The following SERPINA5 variants were observed in gnomAD, a reference collection of about 807,000 sequenced individuals.
SERPINA5 encodes the protein serpin family A member 5.
Under a neutral mutation model 25.3 loss-of-function variants are expected in SERPINA5, and 25 were observed. That is an observed-to-expected ratio of 0.99 (90% confidence interval 0.72 to 1.38). SERPINA5 has a LOEUF of 1.38. Ranked by LOEUF, SERPINA5 falls within the 40% of genes most tolerant of loss-of-function variation. SERPINA5 has a pLI of 0.00. For synonymous variants in SERPINA5, 234 were observed against 206.2 expected (o/e 1.14, Z -1.16); for missense variants, 599 against 509.5 (o/e 1.18, Z -1.69).
chr14:94,582,909 A>T (rs774945641), intron 2 of SERPINA5, among the ~76,000 whole-genome samples: 149 of 152,256 alleles, frequency 9.8e-4, no homozygotes, highest in Non-Finnish European at 1.6e-3. Context: ...AAGAAGTGAC[A>T]TTTAAGCAAA....
chr14:94,590,013 T>C (rs1423795235), intron 3 of SERPINA5, 28 bp from the exon 4 acceptor site: 2 of 1,553,700 alleles, frequency 1.3e-6, no homozygotes, highest in East Asian at 4.5e-5. Context: ...CAAAATTCTT[T>C]TTCATTTTTC....
At chr14:94,589,243 T>G (rs1047348949) in intron 3 of SERPINA5, among the ~76,000 whole-genome samples, 1 of 152,072 alleles carries the variant, frequency 6.6e-6, no homozygotes, top group Non-Finnish European at 1.5e-5. Flanking sequence ...GGTCAGGAGT[T>G]CGAGATCAGC....
At position 94,587,664 on chromosome 14, in the gene SERPINA5, A is replaced by G; in HGVS notation, c.302A>G (p.Lys101Arg). Residue 101 changes from lysine to arginine, a missense_variant, in exon 3 of 6, where the codon AAA (lysine) becomes AGA (arginine). Transcript: ENST00000329597. ...GAGGGCCTGGGCCTCAACCTCCAGA[A>G]AAGCTCAGAGAAGGAGCTGCACAGA... ...ILEGLGLNLQ[K>R]SSEKELHRGF... 1 of 1,614,074 alleles carries G rather than the reference A, an allele frequency of 6.2e-7. No homozygotes were observed. Among genetic ancestry groups the G allele is most frequent in the Non-Finnish European group, 8.5e-7 (1 of 1,179,978 alleles).
At chr14:94,591,324 T>C (rs1163536607) in intron 5 of SERPINA5, among the ~76,000 whole-genome samples, 2 of 134,582 alleles carry the variant, frequency 1.5e-5, no homozygotes, top group East Asian at 2.3e-4. Flanking sequence ...ACTCTTCCAT[T>C]CCACTCCATT....
At chr14:94,587,270 G>C in intron 2 of SERPINA5, 76 bp from the exon 3 acceptor site, 1 of 1,307,218 alleles carries the variant, frequency 7.6e-7, no homozygotes. Flanking sequence ...ATTGAGTGTT[G>C]GGTGGGGACA....
intron 2 of SERPINA5, among the ~76,000 whole-genome samples, chr14:94,582,974 C>CA (rs985272102): frequency 6.6e-6 from 1 of 152,030 alleles, no homozygotes; most frequent in African/African-American, 2.4e-5. Flanking sequence ...GGGAGGGTTC[C>CA]AGTAGAGAGG....
intron 2 of SERPINA5, among the ~76,000 whole-genome samples, chr14:94,583,736 G>T (rs1226599536): frequency 6.6e-6 from 1 of 152,180 alleles, no homozygotes; most frequent in Non-Finnish European, 1.5e-5. Flanking sequence ...ACCTTGGCCT[G>T]AGATGACAGG....
intron 1 of SERPINA5, 28 bp downstream of exon 1, chr14:94,581,518 C>G (rs1273793670): frequency 6.6e-6 from 1 of 152,296 alleles, no homozygotes; most frequent in Non-Finnish European, 1.5e-5. Context: ...AAAGGGAGGT[C>G]CCCAGGGCTT....
rs748412046 is a variant in SERPINA5, at chr14:94,587,941, C to G, written c.579C>G (p.Ser193Arg). The change falls in exon 3 of 6, where the codon AGC (serine) becomes AGG (arginine). Residue 193 changes from serine (S) to arginine (R), a missense_variant. Physicochemically the swap from Ser to Arg is moderately radical, Grantham distance 110 (BLOSUM62 -1). Coordinates refer to ENST00000329597, the MANE Select transcript of SERPINA5 (RefSeq NM_000624.6). ...TGGACTTGCTTAAGAACCTCGATAG[C>G]AATGCGGTCGTGATCATGGTGAATT... Reference protein sequence around the residue: ...KIVDLLKNLDSNAVVIMVNYI... With the variant: ...KIVDLLKNLDRNAVVIMVNYI... 1.2e-6 allele frequency: 2 copies of G among 1,614,228 alleles called. No homozygotes were observed. The highest frequency in any genetic ancestry group is 2.2e-5 in the South Asian group (2 of 91,086).
At chr14:94,589,941 C>CTGAGA (rs1885221225) in intron 3 of SERPINA5, 100 bp from the exon 4 acceptor site, 1 of 1,214,874 alleles carries the variant, frequency 8.2e-7, no homozygotes, top group Admixed American at 2.7e-5. Flanking sequence ...AGATGGTCTC[C>CTGAGA]GCTGGCTATC....
chr14:94,589,806 C>T (rs1167053931), intron 3 of SERPINA5, among the ~76,000 whole-genome samples: 1 of 152,128 alleles, frequency 6.6e-6, no homozygotes, highest in Non-Finnish European at 1.5e-5. Flanking sequence ...TGAAAACCAA[C>T]CTCCTTGTTT....
chr14:94,584,741 C>A (rs1453495918), intron 2 of SERPINA5, among the ~76,000 whole-genome samples: 2 of 152,206 alleles, frequency 1.3e-5, no homozygotes, highest in African/African-American at 4.8e-5. Context: ...AACTCCCCTG[C>A]TTCTGAAGCT....
rs1339504056 is a variant in SERPINA5, at chr14:94,592,197, G to A, written c.1179G>A (p.Val393=). ...ACAGGCCCTTTCTGATGTTCATTGTGGATAACAACATCCTCTTCCTTGGCA... is the reference window on the plus strand; with the variant it reads ...ACAGGCCCTTTCTGATGTTCATTGTAGATAACAACATCCTCTTCCTTGGCA... ...VFNRPFLMFI[V]DNNILFLGKV... is the part of the protein sequence containing the mutation. Residue 393 remains valine, a synonymous_variant, in exon 6 of 6, where the codon GTG becomes GTA. Transcript: ENST00000329597. 1.2e-6 allele frequency: 2 copies of A among 1,613,992 alleles called. No individual in the cohort carries two copies. The highest frequency in any genetic ancestry group is 2.7e-5 in the African/African-American group (2 of 74,916).
rs898216760 is a variant in SERPINA5 at position 94,590,255 on chromosome 14, G to A, written c.834G>A (p.Val278=). 2 of 1,613,222 alleles carry A rather than the reference G, an allele frequency of 1.2e-6. No homozygotes were observed. Among genetic ancestry groups the A allele is most frequent in the African/African-American group, 1.3e-5 (1 of 74,932 alleles). ...ILPSEGKMQQ[V]ENGLSEKTLR... Reference sequence around the variant, plus strand: ...CCAGTGAGGGAAAGATGCAGCAGGTGGAGAATGGACTGAGTGAGAAAACGC... The same window carrying A: ...CCAGTGAGGGAAAGATGCAGCAGGTAGAGAATGGACTGAGTGAGAAAACGC... The change falls in exon 4 of 6, where the codon GTG becomes GTA. Residue 278 remains valine, a synonymous_variant. Transcript: ENST00000329597.
At position 94,587,614 on chromosome 14, in the gene SERPINA5, G is replaced by A; in HGVS notation, c.252G>A (p.Gly84=). 6.2e-7 allele frequency: 1 copy of A among 1,614,128 alleles called. No individual in the cohort carries two copies. The highest frequency in any genetic ancestry group is 8.5e-7 in the Non-Finnish European group (1 of 1,179,996). Reference sequence around the variant, plus strand: ...TGGCCATGCTCTCCCTGGGGGCTGGGTCCAGCACAAAGATGCAGATCCTGG... The same window carrying A: ...TGGCCATGCTCTCCCTGGGGGCTGGATCCAGCACAAAGATGCAGATCCTGG... ...MSLAMLSLGA[G]SSTKMQILEG... Residue 84 remains glycine, a synonymous_variant, in exon 3 of 6, where the codon GGG becomes GGA. Coordinates refer to ENST00000329597, the MANE Select transcript of SERPINA5 (RefSeq NM_000624.6).
chr14:94,587,858 G>A lies in SERPINA5; in HGVS notation c.496G>A (p.Ala166Thr), dbSNP rs755646551. Residue 166 changes from alanine to threonine, a missense_variant, in exon 3 of 6, where the codon GCA (alanine) becomes ACA (threonine). Transcript: ENST00000329597. ...DTFPTNFRDS[A>T]GAMKQINDYV... The stretch of plus-strand genomic sequence containing the variant: ...TTTCCCTACCAACTTTAGGGACTCT[G>A]CAGGGGCCATGAAGCAGATCAATGA... 12 of 1,614,010 alleles carry A rather than the reference G, an allele frequency of 7.4e-6. No homozygotes were observed. The South Asian group carries it at 1.3e-4, about 18-fold the overall frequency.
At chr14:94,583,921 G>C (rs1410226428) in intron 2 of SERPINA5, among the ~76,000 whole-genome samples, 1 of 152,214 alleles carries the variant, frequency 6.6e-6, no homozygotes, top group Non-Finnish European at 1.5e-5. Flanking sequence ...AGAGGCCCAA[G>C]AGTGCGATGG....
intron 2 of SERPINA5, among the ~76,000 whole-genome samples, chr14:94,584,468 G>T (rs10131421): frequency 6.6e-6 from 1 of 152,020 alleles, no homozygotes; most frequent in Non-Finnish European, 1.5e-5. Flanking sequence ...GTGAACCTGG[G>T]GCCCTCTCCA....
At position 94,592,303 on chromosome 14, in the gene SERPINA5, C is replaced by T; in HGVS notation, c.*64C>T. 2.1e-6 allele frequency: 3 copies of T among 1,454,016 alleles called. No individual in the cohort carries two copies. In the South Asian group the frequency reaches 3.9e-5, roughly 19 times the overall value. 90.1% of individuals were successfully genotyped at this position (1,454,016 alleles called of 1,614,324 possible). A position where few individuals can be genotyped will look rare whatever the true frequency, so the allele number is the denominator to read the frequency against. On this transcript the variant is annotated 3_prime_UTR_variant, in exon 6 of 6. Coordinates refer to ENST00000329597, the MANE Select transcript of SERPINA5 (RefSeq NM_000624.6). Reference sequence around the variant, plus strand: ...GAGATGAAGGGGGCTAAGCTATGGCCCATCTGTATGCTGGTAGCTAGTGAT... The same window carrying T: ...GAGATGAAGGGGGCTAAGCTATGGCTCATCTGTATGCTGGTAGCTAGTGAT...
Sources: allele counts gnomAD v4.1 joint callset (sites outside exome capture counted in the v4.1 genomes callset), GRCh38; gene constraint gnomAD v4.1.1; transcripts MANE v1.5; gene names NCBI Gene and HGNC (gene_info 2026-07-23, HGNC 2026-07-21).